The following ALOX5AP variants were observed in gnomAD, a reference collection of about 807,000 sequenced individuals.
The protein encoded by ALOX5AP is arachidonate 5-lipoxygenase-activating protein.
In ALOX5AP, 9 loss-of-function variants were observed where a neutral mutation model predicts 18.5. The ratio of observed to expected loss-of-function variants is 0.49; its 90% confidence interval spans 0.29 to 0.85. ALOX5AP has a LOEUF of 0.85. ALOX5AP is among the 40% of genes least tolerant of loss of function. The pLI, the probability that ALOX5AP is intolerant of heterozygous loss-of-function variation, is 0.08. For missense variants in ALOX5AP, 172 were observed against 202.5 expected (o/e 0.85, Z 0.91); for synonymous variants, 81 against 78.6 (o/e 1.03, Z -0.16).
At chr13:30,730,467 G>A (rs956845701) in intron 1 of ALOX5AP, among the ~76,000 whole-genome samples, 7 of 152,232 alleles carry the variant, frequency 4.6e-5, no homozygotes, top group African/African-American at 1.7e-4. Flanking sequence ...TGACTGAAAT[G>A]AAAAGGAACT....
chr13:30,730,229 A>C (rs979938759), intron 1 of ALOX5AP, among the ~76,000 whole-genome samples: 3 of 152,260 alleles, frequency 2.0e-5, no homozygotes, highest in African/African-American at 7.2e-5. Flanking sequence ...ATAGAATGGC[A>C]TGAGGATTCA....
chr13:30,744,782 G>T (rs1951796279), intron 2 of ALOX5AP, among the ~76,000 whole-genome samples: 2 of 152,212 alleles, frequency 1.3e-5, no homozygotes, highest in African/African-American at 4.8e-5. Flanking sequence ...AAATCCGAAT[G>T]AATGTTATTC....
chr13:30,740,318 C>T (rs3885907), intron 1 of ALOX5AP, among the ~76,000 whole-genome samples: 1 of 152,054 alleles, frequency 6.6e-6, no homozygotes, highest in Admixed American at 6.5e-5. Flanking sequence ...TCTGGCCCTC[C>T]GTTTCCTTCA....
intron 3 of ALOX5AP, among the ~76,000 whole-genome samples, chr13:30,752,829 T>TA (rs1460638602): frequency 6.6e-6 from 1 of 152,166 alleles, no homozygotes; most frequent in Non-Finnish European, 1.5e-5. Flanking sequence ...GTAAAGTAGA[T>TA]AGAGTGGATT....
chr13:30,739,742 T>C (rs1951747962), intron 1 of ALOX5AP, among the ~76,000 whole-genome samples: 2 of 152,306 alleles, frequency 1.3e-5, no homozygotes, highest in African/African-American at 4.8e-5. Flanking sequence ...ATACATACTA[T>C]TATTTATTCT....
intron 2 of ALOX5AP, among the ~76,000 whole-genome samples, chr13:30,751,477 G>T (rs1225220515): frequency 6.6e-6 from 1 of 152,250 alleles, no homozygotes; most frequent in Non-Finnish European, 1.5e-5. Context: ...ACGGTAGAGT[G>T]AGAACTCTCC....
chr13:30,719,108 G>T (rs187479489), intron 1 of ALOX5AP, among the ~76,000 whole-genome samples: 1 of 152,240 alleles, frequency 6.6e-6, no homozygotes, highest in East Asian at 1.9e-4. Flanking sequence ...TTGTCAGCTA[G>T]TTGTGCAATG....
At chr13:30,714,612 G>A in intron 1 of ALOX5AP, among the ~76,000 whole-genome samples, 1 of 149,874 alleles carries the variant, frequency 6.7e-6, no homozygotes. Context: ...GGGGTGGGGA[G>A]TTCTTGAGCC....
At chr13:30,729,180 C>T (rs1357824396) in intron 1 of ALOX5AP, among the ~76,000 whole-genome samples, 1 of 151,630 alleles carries the variant, frequency 6.6e-6, no homozygotes, top group Non-Finnish European at 1.5e-5. Context: ...ATGGCTCATG[C>T]TTTTTGTGTT....
intron 1 of ALOX5AP, among the ~76,000 whole-genome samples, chr13:30,725,789 C>T (rs1951635012): frequency 6.6e-6 from 1 of 152,180 alleles, no homozygotes; most frequent in South Asian, 2.1e-4. Flanking sequence ...AGTAATCTTA[C>T]AGCAAAGGAA....
rs1314529485 is a variant in ALOX5AP, at chr13:30,722,268, GA to G, written c.116+8430del. Among the ~76,000 whole-genome samples the G allele has an allele frequency of 6.6e-5, 10 of 152,318 alleles. No homozygotes were observed. In the East Asian group the frequency reaches 1.9e-3, roughly 29 times the overall value. On this transcript the variant is annotated intron_variant, in intron 1 of 5. Coordinates refer to the ALOX5AP transcript ENST00000617770. ...CAGGCAATCAGGTGATGTTAAGGCA[GA>G]AACCAGCTTTATGATGGGTAGAACA...
intron 1 of ALOX5AP, among the ~76,000 whole-genome samples, chr13:30,724,584 C>A (rs1252958454): frequency 6.6e-6 from 1 of 152,158 alleles, no homozygotes; most frequent in Non-Finnish European, 1.5e-5. Flanking sequence ...TATAGGTGAA[C>A]CCCAGCATAG....
chr13:30,735,434 TAAAAAAAAAAAA>T (rs59918130), upstream of ALOX5AP: 21 of 857,816 alleles, frequency 2.4e-5, no homozygotes, highest in South Asian at 6.5e-5. Flanking sequence ...GGTGGTTAGT[TAAAAAAAAAAAA>T]AAAAAAAAAA....
chr13:30,733,775 C>T (rs985824653), upstream of ALOX5AP, among the ~76,000 whole-genome samples: 7 of 152,190 alleles, frequency 4.6e-5, no homozygotes, highest in African/African-American at 1.2e-4. Context: ...AGGGCAAATT[C>T]CCTCTTCTTC....
chr13:30,744,444 G>T (rs1951792508), intron 2 of ALOX5AP: 1 of 300,616 alleles, frequency 3.3e-6, no homozygotes, highest in Non-Finnish European at 6.5e-6. Context: ...TTTGGTTAGA[G>T]AAGTTGACCT....
chr13:30,733,468 C>T (rs2137799754), upstream of ALOX5AP, among the ~76,000 whole-genome samples: 1 of 152,318 alleles, frequency 6.6e-6, no homozygotes, highest in East Asian at 1.9e-4. Context: ...TCCCCTGAAA[C>T]TTACCAAACT....
chr13:30,726,690 A>G (rs1951642035), intron 1 of ALOX5AP, among the ~76,000 whole-genome samples: 2 of 152,110 alleles, frequency 1.3e-5, no homozygotes, highest in Admixed American at 6.5e-5. Flanking sequence ...TATATTAACC[A>G]GTTTATTTAT....
At position 30,757,322 on chromosome 13, in the gene ALOX5AP, C is replaced by T. The variant is rs565650323; in HGVS notation, c.323+1297C>T. ...GCTCAAGGACTTGACGGGGTTAGAC[C>T]GTGAGCCGGGCTGCAGCTGGAAAAA... On this transcript the variant is annotated intron_variant, in intron 4 of 4. Transcript: ENST00000380490. Among the ~76,000 whole-genome samples, 7 of 152,254 alleles carry T rather than the reference C, an allele frequency of 4.6e-5. No homozygotes were observed. The East Asian group carries it at 5.8e-4, about 13-fold the overall frequency.
At chr13:30,738,058 T>G (rs1051249767) in intron 1 of ALOX5AP, among the ~76,000 whole-genome samples, 4 of 152,208 alleles carry the variant, frequency 2.6e-5, no homozygotes, top group African/African-American at 9.6e-5. Flanking sequence ...AATGCCATTC[T>G]GAACATTTCC....
Sources: allele counts gnomAD v4.1 joint callset (sites outside exome capture counted in the v4.1 genomes callset), GRCh38; gene constraint gnomAD v4.1.1; transcripts MANE v1.5; gene names NCBI Gene and HGNC (gene_info 2026-07-23, HGNC 2026-07-21).